The following NAMPT variants were observed in gnomAD, a reference collection of about 807,000 sequenced individuals.
The protein encoded by NAMPT is NAmPRTase.
A neutral mutation model predicts 58.7 loss-of-function variants in NAMPT; 7 were observed. The observed-to-expected ratio is 0.12, with a 90% CI of 0.07 to 0.22. NAMPT has a LOEUF of 0.22. Ranked by LOEUF, NAMPT falls within the 10% of genes least tolerant of loss-of-function variation. NAMPT has a pLI of 1.00. For missense variants in NAMPT, 271 were observed against 567.9 expected, an observed-to-expected ratio of 0.48 and a Z score of 5.31; for synonymous variants, 145 against 198.1, an observed-to-expected ratio of 0.73 and a Z score of 2.25.
chr7:106,252,797 T>TA (rs1792126117), intron 10 of NAMPT, among the ~76,000 whole-genome samples: 1 of 152,152 alleles, frequency 6.6e-6, no homozygotes, highest in South Asian at 2.1e-4. Context: ...TCACTATACT[T>TA]ACGTAATATT....
chr7:106,285,058 C>A, upstream of NAMPT: 2 of 1,354,188 alleles, frequency 1.5e-6, no homozygotes, highest in Non-Finnish European at 1.9e-6. Flanking sequence ...GCCCGGGAGC[C>A]GTGACGCGGC....
At position 106,249,260 on chromosome 7, in the gene NAMPT, T is replaced by C. The variant is rs1405803736; in HGVS notation, c.*1823A>G. On this transcript the variant is annotated 3_prime_UTR_variant, in exon 11 of 11. Coordinates refer to ENST00000222553, the MANE Select transcript of NAMPT (RefSeq NM_005746.3). ...AATAATGCTTATTGTTCTCACTACA[T>C]GTTTAAAGAACCATCTGAAAAACAT... 1 of 152,522 alleles carries C rather than the reference T, an allele frequency of 6.6e-6. No individual in the cohort carries two copies. Among genetic ancestry groups the C allele is most frequent in the Admixed American group, 6.6e-5 (1 of 15,258 alleles). The allele number at this position is 152,522 out of a possible 1,614,324, so 9.4% of individuals were successfully genotyped here. A position where few individuals can be genotyped will look rare whatever the true frequency, so the allele number is the denominator to read the frequency against.
chr7:106,263,713 C>A, intron 6 of NAMPT, 96 bp from the exon 7 acceptor site: 5 of 885,506 alleles, frequency 5.6e-6, no homozygotes. Context: ...TATACCAAAC[C>A]ATCAACATCA....
intron 8 of NAMPT, among the ~76,000 whole-genome samples, chr7:106,257,117 T>C (rs1376862095): frequency 2.0e-5 from 3 of 151,528 alleles, no homozygotes; most frequent in Non-Finnish European, 1.5e-5. Flanking sequence ...GCACTCCAGC[T>C]TGGGCAACAA....
rs1792305655 is a variant in NAMPT, at chr7:106,261,721, T to C, written c.970-14A>G. On this transcript the variant is annotated splice_polypyrimidine_tract_variant and intron_variant, in intron 7 of 10. Coordinates refer to ENST00000222553, the MANE Select transcript of NAMPT (RefSeq NM_005746.3). ...AATCTCCAAAACCTATATGGAAAAA[T>C]ACACATGCAACACAAATAACTAAAG... 6.2e-7 allele frequency: 1 copy of C among 1,600,990 alleles called. No homozygotes were observed. The highest frequency in any genetic ancestry group is 1.1e-5 in the South Asian group (1 of 90,784).
intron 1 of NAMPT, among the ~76,000 whole-genome samples, chr7:106,279,666 C>T (rs564234880): frequency 1.9e-4 from 29 of 152,266 alleles, no homozygotes; most frequent in Admixed American, 1.6e-3. Context: ...CAAATACATA[C>T]TCTGTACCTA....
At chr7:106,259,292 T>G (rs112267116) in intron 8 of NAMPT, among the ~76,000 whole-genome samples, 264 of 152,246 alleles carry the variant, frequency 1.7e-3, no homozygotes, top group Middle Eastern at 6.8e-3. Context: ...AAATCAAGAC[T>G]CAGTTATCTG....
chr7:106,278,287 T>C (rs1455559139), intron 1 of NAMPT, among the ~76,000 whole-genome samples: 1 of 151,556 alleles, frequency 6.6e-6, no homozygotes, highest in African/African-American at 2.4e-5. Context: ...TCTGAATGAA[T>C]GTGCTGTTTC....
chr7:106,265,541 T>C (rs1025077056), intron 6 of NAMPT, among the ~76,000 whole-genome samples: 1 of 139,246 alleles, frequency 7.2e-6, no homozygotes, highest in Non-Finnish European at 1.5e-5. Context: ...TTCTGTAACA[T>C]ACCTTGTGTG....
rs556317001 is a variant in NAMPT, at chr7:106,281,214, G to GT, written c.57+3613dup. Among the ~76,000 whole-genome samples, 330 of 151,830 alleles carry GT rather than the reference G, an allele frequency of 2.2e-3. 1 individual carries two copies. The highest frequency in any genetic ancestry group is 6.1e-3 in the Admixed American group (93 of 15,234). On this transcript the variant is annotated intron_variant, in intron 1 of 10. Coordinates refer to ENST00000222553, the MANE Select transcript of NAMPT (RefSeq NM_005746.3). ...AAATATCCTTGTTCCAAGTATGACA[G>GT]TTTTTTTAAAAAAGTATGAGATATG...
At chr7:106,281,833 T>C (rs1437498070) in intron 1 of NAMPT, among the ~76,000 whole-genome samples, 3 of 152,326 alleles carry the variant, frequency 2.0e-5, no homozygotes, top group Middle Eastern at 3.4e-3. Context: ...ACCTCTTGCA[T>C]GGAGTTTCTA....
At chr7:106,271,377 A>G (rs1283526466) in intron 4 of NAMPT, among the ~76,000 whole-genome samples, 1 of 152,172 alleles carries the variant, frequency 6.6e-6, no homozygotes, top group Non-Finnish European at 1.5e-5. Context: ...TCCTGCTACC[A>G]ACTCAGCACT....
intron 1 of NAMPT, among the ~76,000 whole-genome samples, chr7:106,281,202 C>T (rs1450760624): frequency 2.0e-5 from 3 of 151,708 alleles, no homozygotes; most frequent in Admixed American, 2.0e-4. Flanking sequence ...TATCCTTGTT[C>T]CAAGTATGAC....
At chr7:106,252,050 T>C (rs1432682809) in intron 10 of NAMPT, among the ~76,000 whole-genome samples, 1 of 152,158 alleles carries the variant, frequency 6.6e-6, no homozygotes, top group Admixed American at 6.6e-5. Context: ...AATTTAAATT[T>C]AAGGGAATAC....
intron 7 of NAMPT, among the ~76,000 whole-genome samples, chr7:106,261,984 T>C (rs1011847243): frequency 2.0e-5 from 3 of 152,010 alleles, no homozygotes; most frequent in African/African-American, 7.2e-5. Flanking sequence ...TCAAATTATA[T>C]GGATTCAAGG....
intron 3 of NAMPT, among the ~76,000 whole-genome samples, chr7:106,274,470 AT>A (rs1384722108): frequency 1.3e-5 from 2 of 152,092 alleles, no homozygotes. Flanking sequence ...TGGCTATAAT[AT>A]AACTTTTCAA....
At chr7:106,259,100 G>A (rs1282927591) in intron 8 of NAMPT, among the ~76,000 whole-genome samples, 5 of 152,204 alleles carry the variant, frequency 3.3e-5, no homozygotes, top group Admixed American at 2.6e-4. Context: ...ATCTTTGCCA[G>A]CAGTAGATTT....
intron 4 of NAMPT, among the ~76,000 whole-genome samples, chr7:106,269,584 C>G (rs1391619479): frequency 2.6e-5 from 4 of 152,082 alleles, no homozygotes; most frequent in Non-Finnish European, 2.9e-5. Flanking sequence ...TTCAAAGAAG[C>G]AAATAATATT....
At position 106,249,692 on chromosome 7, in the gene NAMPT, C is replaced by T. The variant is rs1792075590; in HGVS notation, c.*1391G>A. 1.3e-5 allele frequency: 2 copies of T among 152,000 alleles called. No individual in the cohort carries two copies. Among genetic ancestry groups the T allele is most frequent in the African/African-American group, 2.4e-5 (1 of 41,394 alleles). The allele number at this position is 152,000 out of a possible 1,614,324, so 9.4% of individuals were successfully genotyped here. On this transcript the variant is annotated 3_prime_UTR_variant, in exon 11 of 11. Transcript: ENST00000222553. ...TTCTATTGCAGCTGTTTACCTTAGG[C>T]TGGAGTAGTGGGAAAGCAGCCATAG...
Sources: allele counts gnomAD v4.1 joint callset (sites outside exome capture counted in the v4.1 genomes callset), GRCh38; gene constraint gnomAD v4.1.1; transcripts MANE v1.5; gene names NCBI Gene and HGNC (gene_info 2026-07-23, HGNC 2026-07-21).